The following B3GALNT1 variants were observed in gnomAD, a reference collection of about 807,000 sequenced individuals.
The protein encoded by B3GALNT1 is beta-1,3-N-acetylgalactosaminyltransferase 1 (Globoside blood group), also known as UDP-GalNAc:beta-1,3-N-acetylgalactosaminyltransferase 1.
In B3GALNT1, 17 loss-of-function variants were observed where a neutral mutation model predicts 27.3. The observed-to-expected ratio is 0.62, with a 90% CI of 0.43 to 0.94. The LOEUF (loss-of-function observed/expected upper bound fraction) is 0.94. B3GALNT1 is among the 40% of genes least tolerant of loss of function. The pLI, the probability that B3GALNT1 is intolerant of heterozygous loss-of-function variation, is 0.00. For synonymous variants in B3GALNT1, 141 were observed against 144.0 expected, an observed-to-expected ratio of 0.98 and a Z score of 0.15; for missense variants, 347 against 390.0, an observed-to-expected ratio of 0.89 and a Z score of 0.93.
chr3:161,102,745 C>T (rs1560016879), intron 3 of B3GALNT1, among the ~76,000 whole-genome samples: 1 of 152,080 alleles, frequency 6.6e-6, no homozygotes, highest in Non-Finnish European at 1.5e-5. Flanking sequence ...GGGAGTTTAC[C>T]CCATAGCGAG....
intron 4 of B3GALNT1, among the ~76,000 whole-genome samples, chr3:161,096,511 ATTAAGT>A (rs1169227387): frequency 1.3e-5 from 2 of 152,238 alleles, no homozygotes; most frequent in Admixed American, 1.3e-4. Context: ...TCCTGTGCAT[ATTAAGT>A]TTAATTCAAA....
rs1463799126 is a variant in B3GALNT1, at chr3:161,104,126, T to C, written c.-221+193A>G. ...TTAGTCTATGAGGGGAAAAAAGTCA[T>C]AGTCTCTTATCTGTTAGTAATAAAC... is the stretch of plus-strand genomic sequence containing the variant. On this transcript the variant is annotated intron_variant, in intron 2 of 4. Transcript: ENST00000320474. 3 of 327,406 alleles carry C rather than the reference T, an allele frequency of 9.2e-6. No homozygotes were observed. In the East Asian group the frequency reaches 2.8e-4, roughly 31 times the overall value. The allele number at this position is 327,406 out of a possible 1,614,324, so 20.3% of individuals were successfully genotyped here.
intron 2 of B3GALNT1, 110 bp downstream of exon 2, chr3:161,104,209 C>T: frequency 2.6e-6 from 2 of 758,118 alleles, no homozygotes; most frequent in South Asian, 3.2e-5. Context: ...CAGGCATCGA[C>T]ACATGCATAC....
At position 161,098,399 on chromosome 3, in the gene B3GALNT1, T is replaced by G. The variant is rs372513087; in HGVS notation, c.-35+2740A>C. On this transcript the variant is annotated intron_variant, in intron 4 of 4. Coordinates refer to ENST00000320474, the MANE Select transcript of B3GALNT1 (RefSeq NM_003781.4). ...CAGCACCTCTGTTCTTCTTCAGAGG[T>G]GAAGAGTTGTCAGAGCTCAACGAGA... 7.8e-4 allele frequency among the ~76,000 whole-genome samples: 118 copies of G among 152,202 alleles called. 1 individual carries two copies. The South Asian group carries it at 0.022, about 28-fold the overall frequency.
At chr3:161,096,261 A>G (rs1415343928) in intron 4 of B3GALNT1, among the ~76,000 whole-genome samples, 1 of 152,232 alleles carries the variant, frequency 6.6e-6, no homozygotes, top group African/African-American at 2.4e-5. Flanking sequence ...CTGTCTTCTA[A>G]TAACAAAACC....
chr3:161,101,440 A>G (rs1731206346), intron 3 of B3GALNT1, among the ~76,000 whole-genome samples: 2 of 152,164 alleles, frequency 1.3e-5, no homozygotes, highest in South Asian at 4.2e-4. Flanking sequence ...TAAGCCATCA[A>G]TTACCTTTGC....
intron 4 of B3GALNT1, among the ~76,000 whole-genome samples, chr3:161,095,967 A>G (rs1446482540): frequency 6.6e-6 from 1 of 152,146 alleles, no homozygotes; most frequent in Non-Finnish European, 1.5e-5. Context: ...TGGGACTTAA[A>G]CCTAACACCT....
chr3:161,094,373 T>C (rs1016045028), intron 4 of B3GALNT1, among the ~76,000 whole-genome samples: 1 of 152,212 alleles, frequency 6.6e-6, no homozygotes, highest in African/African-American at 2.4e-5. Context: ...GATATACACC[T>C]TTTTATTTAA....
Position 161,084,594 on chromosome 3 carries a change from TCAC to T in B3GALNT1, c.*1162_*1164del, listed in dbSNP as rs1174150380. 3.9e-5 allele frequency: 6 copies of T among 152,220 alleles called. No individual in the cohort carries two copies. The East Asian group carries it at 1.2e-3, about 29-fold the overall frequency. 9.4% of individuals were successfully genotyped at this position (152,220 alleles called of 1,614,324 possible). A position where few individuals can be genotyped will look rare whatever the true frequency, so the allele number is the denominator to read the frequency against. ...ATTAGCAGGTCCAACAAATGATATA[TCAC>T]CACGTCTATGAAGAAATTTCTTTCT... On this transcript the variant is annotated 3_prime_UTR_variant, in exon 5 of 5. Transcript: ENST00000320474.
At position 161,101,146 on chromosome 3, in the gene B3GALNT1, C is replaced by T; in HGVS notation, c.-42G>A. Reference sequence around the variant, plus strand: ...CAGCAGAAGCAGACACACCTTTACACTCGGGGTGAGTAGTCGGAGAGCACC... The same window carrying T: ...CAGCAGAAGCAGACACACCTTTACATTCGGGGTGAGTAGTCGGAGAGCACC... On this transcript the variant is annotated 5_prime_UTR_variant, in exon 4 of 5. In the 5' UTR this introduces an upstream ATG that the reference lacks. Transcript: ENST00000320474. 1 of 1,289,768 alleles carries T rather than the reference C, an allele frequency of 7.8e-7. No individual in the cohort carries two copies. The allele number at this position is 1,289,768 out of a possible 1,614,324, so 79.9% of individuals were successfully genotyped here.
At chr3:161,094,573 T>C (rs979550346) in intron 4 of B3GALNT1, among the ~76,000 whole-genome samples, 1 of 152,168 alleles carries the variant, frequency 6.6e-6, no homozygotes, top group East Asian at 1.9e-4. Context: ...AATGTAATTA[T>C]TTAAAAAGTA....
At position 161,086,004 on chromosome 3, in the gene B3GALNT1, G is replaced by A; in HGVS notation, c.751C>T (p.Pro251Ser). Reference sequence around the variant, plus strand: ...TGACCCATCATTTCATAGATCCTTGGCACCAAATCTCTGGACATTATATAA... The same window carrying A: ...TGACCCATCATTTCATAGATCCTTGACACCAAATCTCTGGACATTATATAA... Reference protein sequence around the residue: ...LGYIMSRDLVPRIYEMMGHVK... With the variant: ...LGYIMSRDLVSRIYEMMGHVK... The change falls in exon 5 of 5, where the codon CCA becomes TCA. Residue 251 changes from proline to serine, a missense_variant. Transcript: ENST00000320474. The A allele has an allele frequency of 6.3e-7, 1 of 1,586,088 alleles. No homozygotes were observed.
intron 4 of B3GALNT1, among the ~76,000 whole-genome samples, chr3:161,095,921 C>T (rs1243558983): frequency 2.0e-5 from 3 of 152,260 alleles, no homozygotes; most frequent in African/African-American, 7.2e-5. Context: ...CGGACCTCAA[C>T]TGGGACTCAA....
At chr3:161,100,817 G>C (rs900404985) in intron 4 of B3GALNT1, among the ~76,000 whole-genome samples, 1 of 151,584 alleles carries the variant, frequency 6.6e-6, no homozygotes, top group Admixed American at 6.6e-5. Flanking sequence ...TACATGTTAG[G>C]ATTTTTAGCA....
chr3:161,095,415 T>C (rs1727583331), intron 4 of B3GALNT1, among the ~76,000 whole-genome samples: 1 of 152,254 alleles, frequency 6.6e-6, no homozygotes, highest in Non-Finnish European at 1.5e-5. Context: ...TGGGCCAAAG[T>C]GACTTAGCAA....
At chr3:161,102,302 C>A (rs1029651659) in intron 3 of B3GALNT1, among the ~76,000 whole-genome samples, 4 of 152,156 alleles carry the variant, frequency 2.6e-5, no homozygotes, top group Admixed American at 2.6e-4. Flanking sequence ...AAACCGATAA[C>A]CTACTCTAGC....
intron 2 of B3GALNT1, 114 bp from the exon 3 acceptor site, chr3:161,103,631 AAC>A (rs1373389410): frequency 3.7e-6 from 1 of 271,854 alleles, no homozygotes; most frequent in Non-Finnish European, 6.9e-6. Context: ...ATTACATATC[AAC>A]ACTTTTTTCA....
Position 161,101,157 on chromosome 3 carries a change from T to C in B3GALNT1, c.-53A>G, listed in dbSNP as rs1458659338. The C allele has an allele frequency of 4.7e-6, 6 of 1,289,094 alleles. No homozygotes were observed. The highest frequency in any genetic ancestry group is 1.5e-5 in the African/African-American group (1 of 65,610). The allele number at this position is 1,289,094 out of a possible 1,614,324, so 79.9% of individuals were successfully genotyped here. ...GACACACCTTTACACTCGGGGTGAG[T>C]AGTCGGAGAGCACCACGTGATAGAG... On this transcript the variant is annotated 5_prime_UTR_variant, in exon 4 of 5. Transcript: ENST00000320474.
At chr3:161,100,231 T>C (rs1428585204) in intron 4 of B3GALNT1, among the ~76,000 whole-genome samples, 2 of 152,350 alleles carry the variant, frequency 1.3e-5, no homozygotes, top group South Asian at 2.1e-4. Flanking sequence ...AGGTTTCATT[T>C]TGGCATATTT....
Sources: allele counts gnomAD v4.1 joint callset (sites outside exome capture counted in the v4.1 genomes callset), GRCh38; gene constraint gnomAD v4.1.1; transcripts MANE v1.5; gene names NCBI Gene and HGNC (gene_info 2026-07-23, HGNC 2026-07-21).